Variants in KRT26 observed in about 807,000 individuals in gnomAD.
The protein encoded by KRT26 is keratin 26, also known as keratin, type I cytoskeletal 26.
A neutral mutation model predicts 46.1 loss-of-function variants in KRT26; 45 were observed. The ratio of observed to expected loss-of-function variants is 0.98; its 90% CI spans 0.77 to 1.25. The LOEUF is 1.25. KRT26 is among the 50% of genes most tolerant of loss of function. KRT26 has a pLI of 0.00. For missense variants in KRT26, 582 were observed against 560.1 expected, an observed-to-expected ratio of 1.04 and a Z score of -0.39; for synonymous variants, 191 against 209.9, an observed-to-expected ratio of 0.91 and a Z score of 0.78.
At chr17:40,767,801 C>T (rs1036181784) in intron 6 of KRT26, 148 bp from the exon 7 acceptor site, 2 of 490,880 alleles carry the variant, frequency 4.1e-6, no homozygotes, top group Non-Finnish European at 7.2e-6. Context: ...ATAAGCTTTT[C>T]ATGACTTCAA....
At chr17:40,767,623 T>C in exon 7 of KRT26, 1 of 1,605,788 alleles carries the variant, frequency 6.2e-7, no homozygotes, top group Non-Finnish European at 8.5e-7. Flanking sequence ...GCCTGTATCC[T>C]TTTGATTTGT....
At chr17:40,769,623 T>C in intron 5 of KRT26, 131 bp downstream of exon 5, 1 of 948,318 alleles carries the variant, frequency 1.1e-6, no homozygotes, top group Non-Finnish European at 1.6e-6. Flanking sequence ...GAATTCTTGA[T>C]ATTTAATATA....
chr17:40,770,165 T>C (rs561868723), intron 3 of KRT26, 43 bp from the exon 4 acceptor site: 25 of 1,612,956 alleles, frequency 1.5e-5, no homozygotes, highest in East Asian at 1.3e-4. Flanking sequence ...AGGATTTTGA[T>C]TGATGTTCAT....
In KRT26 at chr17:40,771,840, C is replaced by T. The variant is rs781570222; in HGVS notation, c.274G>A (p.Asp92Asn). The change falls in exon 1 of 8, where the codon GAC becomes AAC. Residue 92 changes from aspartate (D) to asparagine (N), a missense_variant. Coordinates refer to ENST00000335552, the Ensembl canonical transcript of KRT26. ...TGGTCCAGGTAGGATGCCAGGCGGT[C>T]GTTGAGATTCTGCATGGTCACCTTT... 8.7e-6 allele frequency: 14 copies of T among 1,613,014 alleles called. No individual in the cohort carries two copies. Among genetic ancestry groups the T allele is most frequent in the Middle Eastern group, 3.3e-4 (2 of 6,084 alleles).
At chr17:40,769,692 A>G (rs2038202711) in intron 5 of KRT26, 62 bp downstream of exon 5, 1 of 1,533,018 alleles carries the variant, frequency 6.5e-7, no homozygotes, top group South Asian at 1.1e-5. Flanking sequence ...ATGTATTTTT[A>G]TATCTGTATT....
chr17:40,771,044 G>C (rs892196691), intron 2 of KRT26, 110 bp downstream of exon 2: 21 of 586,984 alleles, frequency 3.6e-5, no homozygotes, highest in Non-Finnish European at 5.9e-5. Flanking sequence ...TATTGATCTA[G>C]TCTGGCTTTA....
At chr17:40,766,543 T>C in exon 8 of KRT26, 1 of 1,612,124 alleles carries the variant, frequency 6.2e-7, no homozygotes, top group Non-Finnish European at 8.5e-7. Context: ...TACTCGTTGC[T>C]CTACTGTAAT....
intron 6 of KRT26, 67 bp from the exon 7 acceptor site, chr17:40,767,720 A>C (rs2144143368): frequency 1.2e-6 from 1 of 804,624 alleles, no homozygotes; most frequent in Non-Finnish European, 2.1e-6. Context: ...AATACCTCTA[A>C]ATTGGAAATA....
At chr17:40,770,386 T>C (rs1417326523) in exon 3 of KRT26, 1 of 1,599,968 alleles carries the variant, frequency 6.3e-7, no homozygotes, top group African/African-American at 1.3e-5. Flanking sequence ...AACACTGTGG[T>C]GCAGAGCCAG....
rs1370496915 is a variant in KRT26 at position 40,769,891 on chromosome 17, T to C, written c.844-12A>G. ...TGCAGCGTTGCACTCTGAAGTGTAATTGTCGAAAGGGTTAGTGACTGGCCT... is the reference window on the plus strand; with the variant it reads ...TGCAGCGTTGCACTCTGAAGTGTAACTGTCGAAAGGGTTAGTGACTGGCCT... On this transcript the variant is annotated splice_polypyrimidine_tract_variant and intron_variant, in intron 4 of 7. Coordinates refer to ENST00000335552, the Ensembl canonical transcript of KRT26. The C allele has an allele frequency of 2.5e-6, 4 of 1,614,138 alleles. No homozygotes were observed. Among genetic ancestry groups the C allele is most frequent in the Middle Eastern group, 1.6e-4 (1 of 6,062 alleles).
At chr17:40,766,504 C>A in exon 8 of KRT26, 1 of 1,534,382 alleles carries the variant, frequency 6.5e-7, no homozygotes, top group Non-Finnish European at 8.8e-7. Flanking sequence ...TTCCAAATAA[C>A]TTTTTCCTCA....
chr17:40,768,003 A>G (rs1312630275), intron 6 of KRT26, among the ~76,000 whole-genome samples: 2 of 152,360 alleles, frequency 1.3e-5, no homozygotes, highest in Non-Finnish European at 2.9e-5. Flanking sequence ...ACCAAGACAC[A>G]GTTTTTACAG....
chr17:40,771,836 C>T (rs185320223), exon 1 of KRT26: 17 of 1,613,128 alleles, frequency 1.1e-5, no homozygotes, highest in African/African-American at 2.7e-5. Flanking sequence ...GGATGCCAGG[C>T]GGTCGTTGAG....
chr17:40,772,111 C>T (rs2038227913), exon 1 of KRT26: 2 of 1,613,264 alleles, frequency 1.2e-6, no homozygotes, highest in Non-Finnish European at 1.7e-6. Flanking sequence ...GTCGAAAAGA[C>T]ATGGTGGCAG....
chr17:40,767,359 T>C (rs1036253963), intron 7 of KRT26, among the ~76,000 whole-genome samples: 2 of 152,346 alleles, frequency 1.3e-5, no homozygotes, highest in African/African-American at 4.8e-5. Context: ...AAGAAACATG[T>C]TGTGGGATTA....
At position 40,769,000 on chromosome 17, in the gene KRT26, GT is replaced by G. The variant is rs2038194661; in HGVS notation, c.1065del (p.Gln355HisfsTer22). The G allele has an allele frequency of 6.2e-7, 1 of 1,613,804 alleles. No individual in the cohort carries two copies. Among genetic ancestry groups the G allele is most frequent in the Non-Finnish European group, 8.5e-7 (1 of 1,179,828 alleles). The stretch of plus-strand genomic sequence containing the variant: ...TCTGTTTCTGTTCGAATCTGTTGCA[GT>G]TGTTCCTCCATCACCCCTATCTGAT... On this transcript the variant is annotated frameshift_variant, in exon 6 of 8. Coordinates refer to ENST00000335552, the Ensembl canonical transcript of KRT26. LOFTEE classifies it high-confidence loss of function.
intron 5 of KRT26, 152 bp downstream of exon 5, chr17:40,769,602 G>T: frequency 2.4e-6 from 2 of 845,910 alleles, no homozygotes; most frequent in African/African-American, 1.7e-5. Context: ...GAATTGGTGA[G>T]TTTAGGGACA....
rs1412296739 is a variant in KRT26 at position 40,771,214 on chromosome 17, T to C, written c.464A>G (p.Asn155Ser). ...GTCATTTTGTAGAACAATGCTGGCA[T>C]TGCAGATGGTCGCAGAAATAATCTA... The change falls in exon 2 of 8, where the codon AAT becomes AGT. Residue 155 changes from asparagine (N) to serine (S), a missense_variant. Coordinates refer to ENST00000335552, the Ensembl canonical transcript of KRT26. 3 of 1,605,520 alleles carry C rather than the reference T, an allele frequency of 1.9e-6. No homozygotes were observed. Among genetic ancestry groups the C allele is most frequent in the South Asian group, 1.1e-5 (1 of 89,804 alleles).
chr17:40,766,927 A>G (rs1248593548), intron 7 of KRT26, among the ~76,000 whole-genome samples: 1 of 152,148 alleles, frequency 6.6e-6, no homozygotes, highest in East Asian at 1.9e-4. Context: ...CTTAGTAGAG[A>G]TGGAGTTTCA....
Sources: gnomAD v4.1 joint callset for allele counts (sites outside exome capture counted in the v4.1 genomes callset) on GRCh38, gnomAD v4.1.1 for gene constraint, MANE v1.5 for transcripts, NCBI Gene and HGNC (gene_info 2026-07-23, HGNC 2026-07-21) for gene names.